Variants in PRKN observed in about 807,000 individuals in gnomAD.
PRKN encodes the protein parkin RBR E3 ubiquitin protein ligase.
A neutral mutation model predicts 59.5 loss-of-function variants in PRKN; 56 were observed. The ratio of observed to expected loss-of-function variants is 0.94; its 90% CI spans 0.76 to 1.18. The LOEUF (loss-of-function observed/expected upper bound fraction) is 1.18, where lower values mean the gene tolerates loss of function less well. Ranked by LOEUF, PRKN falls within the 50% of genes most tolerant of loss-of-function variation. PRKN has a pLI of 0.00. For missense variants in PRKN, 657 were observed against 596.4 expected (o/e 1.10, Z -1.06); for synonymous variants, 250 against 222.1 (o/e 1.13, Z -1.12).
chr6:162,011,133 A>ACT lies in PRKN; in HGVS notation c.619-37717_619-37716insAG, dbSNP rs1288107528. Among the ~76,000 whole-genome samples, 10 of 8,962 alleles carry ACT rather than the reference A, an allele frequency of 1.1e-3. 2 individuals carry two copies. The highest frequency in any genetic ancestry group is 0.011 in the African/African-American group (10 of 914). 5.9% of individuals were successfully genotyped at this position (8,962 alleles called of 152,430 possible). On this transcript the variant is annotated intron_variant, in intron 5 of 11. Transcript: ENST00000366898. ...AATATATAATATATTTATAATATATAATTATAATATATATTATAATATATA... is the reference window on the plus strand; with the variant it reads ...AATATATAATATATTTATAATATATACTATTATAATATATATTATAATATATA...
At chr6:161,866,318 G>A (rs1409650341) in intron 6 of PRKN, among the ~76,000 whole-genome samples, 1 of 152,182 alleles carries the variant, frequency 6.6e-6, no homozygotes, top group Admixed American at 6.5e-5. Flanking sequence ...ACTCACACCT[G>A]TAATCCCAGC....
At position 161,550,145 on chromosome 6, in the gene PRKN, C is replaced by A. The variant is rs1004098307; in HGVS notation, c.934-1142G>T. On this transcript the variant is annotated intron_variant, in intron 8 of 11. Coordinates refer to ENST00000366898, the MANE Select transcript of PRKN (RefSeq NM_004562.3). The surrounding 1 kb of genome is among the most constrained non-coding windows in gnomAD (Gnocchi z 4.0). ...CAGAGAATACTATAAGGGGCCAGAG[C>A]CCCAGTGTGCTGATGTGGTTGGCTG... 6.6e-6 allele frequency among the ~76,000 whole-genome samples: 1 copy of A among 152,162 alleles called. No individual in the cohort carries two copies. Among genetic ancestry groups the A allele is most frequent in the African/African-American group, 2.4e-5 (1 of 41,430 alleles).
intron 8 of PRKN, among the ~76,000 whole-genome samples, chr6:161,559,402 C>T (rs941749593): frequency 2.6e-5 from 4 of 152,194 alleles, no homozygotes; most frequent in South Asian, 4.1e-4. Flanking sequence ...CCTGATGGAG[C>T]GCACTGCAGA....
At chr6:161,510,308 C>T (rs2115329670) in intron 9 of PRKN, among the ~76,000 whole-genome samples, 1 of 151,638 alleles carries the variant, frequency 6.6e-6, no homozygotes, top group Non-Finnish European at 1.5e-5. Context: ...TATCATGAAG[C>T]GTGATTGTCC....
chr6:162,221,038 C>T (rs562814985), intron 3 of PRKN, among the ~76,000 whole-genome samples: 17 of 152,216 alleles, frequency 1.1e-4, no homozygotes, highest in Admixed American at 2.0e-4. Flanking sequence ...GGTAATGTAA[C>T]CAATCTGATG....
intron 9 of PRKN, among the ~76,000 whole-genome samples, chr6:161,531,921 T>C (rs1248778976): frequency 6.6e-6 from 1 of 152,074 alleles, no homozygotes; most frequent in Non-Finnish European, 1.5e-5. Context: ...CTTTTAGGGA[T>C]ACATAGAAAA....
intron 1 of PRKN, among the ~76,000 whole-genome samples, chr6:162,667,698 G>A (rs1397680508): frequency 2.6e-5 from 4 of 152,000 alleles, no homozygotes; most frequent in Admixed American, 2.0e-4. Flanking sequence ...AGCATACACA[G>A]GGCATAGTAA....
chr6:162,024,308 C>T (rs1049994841), intron 5 of PRKN, among the ~76,000 whole-genome samples: 2 of 149,964 alleles, frequency 1.3e-5, no homozygotes, highest in African/African-American at 4.9e-5. Context: ...AGCAATTCTC[C>T]TGCTTCAGCC....
At chr6:162,362,446 T>C (rs1034013477) in intron 2 of PRKN, among the ~76,000 whole-genome samples, 3 of 152,014 alleles carry the variant, frequency 2.0e-5, no homozygotes, top group Non-Finnish European at 4.4e-5. Flanking sequence ...GGGTGGGAGG[T>C]GGCGGACACA....
At chr6:161,936,209 ATTTTT>A (rs1203820292) in intron 6 of PRKN, among the ~76,000 whole-genome samples, 2 of 137,088 alleles carry the variant, frequency 1.5e-5, no homozygotes, top group Non-Finnish European at 3.2e-5. Flanking sequence ...TCATGGCAAC[ATTTTT>A]TTTTTTTTTT....
At chr6:161,532,611 T>C (rs1749096376) in intron 9 of PRKN, among the ~76,000 whole-genome samples, 1 of 152,202 alleles carries the variant, frequency 6.6e-6, no homozygotes, top group African/African-American at 2.4e-5. Context: ...CTTGCTTTTG[T>C]TTGTATTTTT....
intron 9 of PRKN, among the ~76,000 whole-genome samples, chr6:161,501,388 T>C (rs1777957591): frequency 6.6e-6 from 1 of 152,246 alleles, no homozygotes; most frequent in Non-Finnish European, 1.5e-5. Flanking sequence ...TGAACATCTT[T>C]TCATATGCTT....
Position 161,870,903 on chromosome 6 carries a change from C to A in PRKN, c.735-84995G>T, listed in dbSNP as rs1794315384. ...TTAGGCTGGGAATCATGGAATAGTT[C>A]TTTTGCCTAAATGAGACATGGGGAA... is the stretch of plus-strand genomic sequence containing the variant. On this transcript the variant is annotated intron_variant, in intron 6 of 11. Coordinates refer to ENST00000366898, the MANE Select transcript of PRKN (RefSeq NM_004562.3). 2.0e-5 allele frequency among the ~76,000 whole-genome samples: 3 copies of A among 152,018 alleles called. No homozygotes were observed. In the South Asian group the frequency reaches 6.2e-4, roughly 32 times the overall value.
At chr6:162,212,543 C>T (rs551631464) in intron 3 of PRKN, among the ~76,000 whole-genome samples, 41 of 152,312 alleles carry the variant, frequency 2.7e-4, no homozygotes, top group Non-Finnish European at 4.7e-4. Context: ...AGAAAAACAT[C>T]GGGCTTTGAG....
chr6:161,589,756 A>G (rs1199916389), intron 7 of PRKN, among the ~76,000 whole-genome samples: 2 of 151,198 alleles, frequency 1.3e-5, no homozygotes, highest in African/African-American at 4.9e-5. Context: ...TTAAAATACA[A>G]TGAATTGAAA....
rs529351531 is a variant in PRKN, at chr6:162,071,444, T to C, written c.535-17270A>G. 5.9e-5 allele frequency among the ~76,000 whole-genome samples: 9 copies of C among 152,130 alleles called. 1 individual carries two copies. Among genetic ancestry groups the C allele is most frequent in the African/African-American group, 2.2e-4 (9 of 41,516 alleles). On this transcript the variant is annotated intron_variant, in intron 4 of 11. Coordinates refer to ENST00000366898, the MANE Select transcript of PRKN (RefSeq NM_004562.3). ...AAACAGTAATGTATCTCATGGAATATAGTTTACAGACACCTAAACAATACA... is the reference window on the plus strand; with the variant it reads ...AAACAGTAATGTATCTCATGGAATACAGTTTACAGACACCTAAACAATACA...
intron 3 of PRKN, 77 bp from the exon 4 acceptor site, chr6:162,201,329 T>C: frequency 7.0e-7 from 1 of 1,429,818 alleles, no homozygotes; most frequent in East Asian, 2.3e-5. Context: ...AAAAGCTTGT[T>C]AGAGGCAAAT....
rs554657289 is a variant in PRKN, at chr6:161,939,820, A to G, written c.734+33482T>C. 7.2e-5 allele frequency among the ~76,000 whole-genome samples: 11 copies of G among 152,284 alleles called. No homozygotes were observed. The East Asian group carries it at 1.4e-3, about 19-fold the overall frequency. ...TAACATGGTTTATATTTTAGATAAA[A>G]TTACTAAGTAATTTTTTTATTTTAA... On this transcript the variant is annotated intron_variant, in intron 6 of 11. Coordinates refer to ENST00000366898, the MANE Select transcript of PRKN (RefSeq NM_004562.3).
At chr6:161,733,804 A>ATATACG (rs1787844461) in intron 7 of PRKN, among the ~76,000 whole-genome samples, 1 of 129,076 alleles carries the variant, frequency 7.7e-6, no homozygotes, top group African/African-American at 3.9e-5. Context: ...ATATGTATAT[A>ATATACG]TATATATATA....
Sources: allele counts gnomAD v4.1 joint callset (sites outside exome capture counted in the v4.1 genomes callset), GRCh38; gene constraint gnomAD v4.1.1; non-coding constraint Gnocchi (gnomAD v3.1); transcripts MANE v1.5; gene names NCBI Gene and HGNC (gene_info 2026-07-23, HGNC 2026-07-21).